SUGCT: variants seen among roughly 807,000 people sequenced by gnomAD.
The protein encoded by SUGCT is succinyl-CoA:glutarate-CoA transferase, also known as succinyl-CoA:glutarate CoA-transferase.
SUGCT carries 41 observed loss-of-function variants against 55.0 expected under a neutral mutation model. The observed-to-expected ratio is 0.74, with a 90% CI of 0.58 to 0.97. The LOEUF is 0.97. Ranked by LOEUF, SUGCT falls within the 50% of genes least tolerant of loss-of-function variation. The pLI, the probability that SUGCT is intolerant of heterozygous loss-of-function variation, is 0.00. For synonymous variants in SUGCT, 187 were observed against 200.4 expected (o/e 0.93, Z 0.56); for missense variants, 568 against 547.8 (o/e 1.04, Z -0.37).
intron 11 of SUGCT, among the ~76,000 whole-genome samples, chr7:40,492,521 C>T (rs1473876833): frequency 6.6e-6 from 1 of 152,118 alleles, no homozygotes; most frequent in Non-Finnish European, 1.5e-5. Flanking sequence ...ATCCAATATT[C>T]TTAGCACAGC....
At chr7:40,894,031 G>T in the SUGCT span, among the ~76,000 whole-genome samples, 3,561 of 145,766 alleles carry the variant, frequency 0.024, 148 homozygotes, top group African/African-American at 0.083. Context: ...TCCAGCCTGG[G>T]CAACAGAGTG....
the SUGCT span, among the ~76,000 whole-genome samples, chr7:40,923,110 T>G: frequency 6.6e-6 from 1 of 152,166 alleles, no homozygotes; most frequent in African/African-American, 2.4e-5. Context: ...TGAGGGAGAC[T>G]CCTTAGCCTA....
At chr7:40,766,662 A>G (rs1434591643) in intron 13 of SUGCT, among the ~76,000 whole-genome samples, 1 of 152,198 alleles carries the variant, frequency 6.6e-6, no homozygotes, top group Non-Finnish European at 1.5e-5. Flanking sequence ...TAGGGTATGT[A>G]TAGAGAACTG....
chr7:40,310,222 C>G (rs1241654502), intron 8 of SUGCT, among the ~76,000 whole-genome samples: 3 of 152,166 alleles, frequency 2.0e-5, no homozygotes, highest in African/African-American at 7.2e-5. Context: ...CTTTTATGGT[C>G]TTTCTTTTAA....
At chr7:40,379,293 A>G (rs959917775) in intron 9 of SUGCT, among the ~76,000 whole-genome samples, 2 of 152,172 alleles carry the variant, frequency 1.3e-5, no homozygotes, top group East Asian at 3.9e-4. Flanking sequence ...AGTCTGTGAT[A>G]GTTTGTTATG....
At chr7:40,576,965 G>C (rs1796801155) in intron 12 of SUGCT, among the ~76,000 whole-genome samples, 1 of 152,176 alleles carries the variant, frequency 6.6e-6, no homozygotes, top group African/African-American at 2.4e-5. Flanking sequence ...GCTTACACCA[G>C]TGGTTCTTAA....
intron 11 of SUGCT, among the ~76,000 whole-genome samples, chr7:40,470,156 A>G (rs77521857): frequency 0.011 from 1,603 of 152,126 alleles, 17 homozygotes; most frequent in Middle Eastern, 0.048. Context: ...TGACTTTGGA[A>G]ATGGATGGAG....
chr7:40,730,439 T>C (rs1182890060), intron 12 of SUGCT, among the ~76,000 whole-genome samples: 2 of 152,214 alleles, frequency 1.3e-5, no homozygotes, highest in African/African-American at 2.4e-5. Context: ...ATAATAATGA[T>C]ATATATTTCT....
intron 7 of SUGCT, among the ~76,000 whole-genome samples, chr7:40,271,372 C>G (rs1441181599): frequency 6.6e-6 from 1 of 152,030 alleles, no homozygotes; most frequent in Admixed American, 6.5e-5. Flanking sequence ...CTTAAGTGGC[C>G]CTCCCTTCAG....
At chr7:40,365,323 A>T (rs1203930401) in intron 9 of SUGCT, among the ~76,000 whole-genome samples, 1 of 151,860 alleles carries the variant, frequency 6.6e-6, no homozygotes, top group Non-Finnish European at 1.5e-5. Flanking sequence ...ATGGGCAAAA[A>T]CTGGAAGCAT....
chr7:40,724,902 T>C (rs1178167282), intron 12 of SUGCT, among the ~76,000 whole-genome samples: 1 of 152,172 alleles, frequency 6.6e-6, no homozygotes, highest in Non-Finnish European at 1.5e-5. Context: ...AAATTCCTTT[T>C]AAACATCTAT....
At chr7:40,991,907 G>A in the SUGCT span, among the ~76,000 whole-genome samples, 1 of 152,068 alleles carries the variant, frequency 6.6e-6, no homozygotes, top group Admixed American at 6.6e-5. Flanking sequence ...GAACAGTGGT[G>A]AGGGGAACAT....
chr7:40,184,995 G>T (rs900736082), intron 3 of SUGCT, among the ~76,000 whole-genome samples: 2 of 152,138 alleles, frequency 1.3e-5, no homozygotes, highest in African/African-American at 4.8e-5. Flanking sequence ...TCTCTGATGA[G>T]CATGGGGAAT....
chr7:41,016,863 AT>A, the SUGCT span, among the ~76,000 whole-genome samples: 1 of 151,998 alleles, frequency 6.6e-6, no homozygotes, highest in African/African-American at 2.4e-5. Flanking sequence ...CTGTTCCTTA[AT>A]TTTGCTTTGG....
At chr7:40,876,048 T>C in the SUGCT span, among the ~76,000 whole-genome samples, 1 of 152,220 alleles carries the variant, frequency 6.6e-6, no homozygotes, top group Non-Finnish European at 1.5e-5. Context: ...ACCCATTGAA[T>C]TGTCAATCAT....
At chr7:40,221,361 C>T (rs1390773628) in intron 6 of SUGCT, among the ~76,000 whole-genome samples, 1 of 150,312 alleles carries the variant, frequency 6.7e-6, no homozygotes, top group East Asian at 2.0e-4. Flanking sequence ...CTTCAGTGAG[C>T]CAAGGTCATG....
At chr7:40,175,343 C>T (rs148923689) in intron 1 of SUGCT, among the ~76,000 whole-genome samples, 2,536 of 152,112 alleles carry the variant, frequency 0.017, 71 homozygotes, top group African/African-American at 0.059. Flanking sequence ...CCTCAGCCCC[C>T]CTAGTAGCTG....
At chr7:40,854,412 TTTCTTTCC>T (rs1177130455) in intron 13 of SUGCT, among the ~76,000 whole-genome samples, 1 of 79,128 alleles carries the variant, frequency 1.3e-5, no homozygotes, top group African/African-American at 4.2e-5. Context: ...TCTTTCTTTC[TTTCTTTCC>T]TTTCTTTCTT....
chr7:40,790,027 A>G (rs1790227827), intron 13 of SUGCT, among the ~76,000 whole-genome samples: 1 of 152,220 alleles, frequency 6.6e-6, no homozygotes, highest in African/African-American at 2.4e-5. Context: ...GGAAGATAAG[A>G]ATGTGTTACA....
Sources: allele counts gnomAD v4.1 joint callset (sites outside exome capture counted in the v4.1 genomes callset), GRCh38; gene constraint gnomAD v4.1.1; transcripts MANE v1.5; gene names NCBI Gene and HGNC (gene_info 2026-07-23, HGNC 2026-07-21).